The following MTSS2 variants were observed in gnomAD, a reference collection of about 807,000 sequenced individuals.
MTSS2 encodes the protein protein MTSS 2.
In MTSS2, 27 loss-of-function variants were observed where a neutral mutation model predicts 67.1. The ratio of observed to expected loss-of-function variants is 0.40; its 90% CI spans 0.30 to 0.55. The LOEUF is 0.55. Among genes scored for constraint, MTSS2 ranks in the 20% least tolerant of loss-of-function variants. The pLI, the probability that MTSS2 is intolerant of heterozygous loss-of-function variation, is 0.43. For synonymous variants in MTSS2, 624 were observed against 468.6 expected (o/e 1.33, Z -4.28); for missense variants, 1,171 against 1,067.8 (o/e 1.10, Z -1.35).
chr16:70,674,627 G>T, intron 10 of MTSS2, 99 bp from the exon 11 acceptor site: 1 of 1,028,370 alleles, frequency 9.7e-7, no homozygotes, highest in Non-Finnish European at 1.4e-6. Flanking sequence ...AAGAGGTGAG[G>T]GGCAAAGGAA....
intron 11 of MTSS2, among the ~76,000 whole-genome samples, chr16:70,671,357 G>T (rs1041265211): frequency 2.0e-5 from 3 of 149,938 alleles, no homozygotes; most frequent in Non-Finnish European, 4.4e-5. Flanking sequence ...AGCCAAGATC[G>T]CACCATTGCA....
rs1006194018 is a variant in MTSS2, at chr16:70,663,405, G to C, written c.*272C>G. 1.4e-5 allele frequency: 7 copies of C among 505,076 alleles called. No homozygotes were observed. In the Admixed American group the frequency reaches 2.4e-4, roughly 17 times the overall value. The allele number at this position is 505,076 out of a possible 1,614,324, so 31.3% of individuals were successfully genotyped here. On this transcript the variant is annotated 3_prime_UTR_variant, in exon 15 of 15. Coordinates refer to ENST00000338779, the MANE Select transcript of MTSS2 (RefSeq NM_138383.3). Reference sequence around the variant, plus strand: ...GTGCTTATGGGTAGGGAAGAGGCAGGGCCCCAGAGGAGGAAGAGGAGGGAC... The same window carrying C: ...GTGCTTATGGGTAGGGAAGAGGCAGCGCCCCAGAGGAGGAAGAGGAGGGAC...
chr16:70,668,223 G>C lies in MTSS2; in HGVS notation c.1054-2683C>G, dbSNP rs2052793820. On this transcript the variant is annotated intron_variant, in intron 11 of 14. Coordinates refer to ENST00000338779, the MANE Select transcript of MTSS2 (RefSeq NM_138383.3). ...AGAGTAGGAGTTTGAGACCAGCCTG[G>C]CCAACATGACAAAACCCCAATACAA... Among the ~76,000 whole-genome samples, 4 of 151,986 alleles carry C rather than the reference G, an allele frequency of 2.6e-5. No homozygotes were observed. In the South Asian group the frequency reaches 8.3e-4, roughly 32 times the overall value.
In MTSS2 at chr16:70,685,943, C is replaced by A; in HGVS notation, c.-152G>T. The A allele has an allele frequency of 4.8e-6, 1 of 209,738 alleles. No individual in the cohort carries two copies. Among genetic ancestry groups the A allele is most frequent in the South Asian group, 1.6e-4 (1 of 6,256 alleles). 13.0% of individuals were successfully genotyped at this position (209,738 alleles called of 1,614,324 possible). The stretch of plus-strand genomic sequence containing the variant: ...GCTCAGCGGCCGGCCGCGCCGCGCT[C>A]CGGGGTCGCGGGCCTCCGGCGGGCG... On this transcript the variant is annotated 5_prime_UTR_variant, in exon 1 of 15. The change creates a premature stop within an existing upstream ORF in the 5' untranslated region. Transcript: ENST00000338779.
At position 70,664,629 on chromosome 16, in the gene MTSS2, G is replaced by A. The variant is rs748824524; in HGVS notation, c.1440C>T (p.Pro480=). 5 of 1,613,116 alleles carry A rather than the reference G, an allele frequency of 3.1e-6. No homozygotes were observed. The highest frequency in any genetic ancestry group is 3.4e-6 in the Non-Finnish European group (4 of 1,179,914). The change falls in exon 14 of 15, where the codon CCC becomes CCT. Residue 480 remains proline (P), a synonymous_variant. Coordinates refer to ENST00000338779, the MANE Select transcript of MTSS2 (RefSeq NM_138383.3). ...AGGGGATGGTGTCCTCAGAGCAGGAGGGCGTGGTGGTCTGCGTGCTGTAGC... is the reference window on the plus strand; with the variant it reads ...AGGGGATGGTGTCCTCAGAGCAGGAAGGCGTGGTGGTCTGCGTGCTGTAGC... The part of the protein sequence containing the change: ...SSGYSTQTTT[P]SCSEDTIPSQ...
chr16:70,681,098 T>C, intron 1 of MTSS2, 73 bp from the exon 2 acceptor site: 1 of 1,405,694 alleles, frequency 7.1e-7, no homozygotes, highest in South Asian at 1.3e-5. Flanking sequence ...CCGGGCTCCC[T>C]GCATGCTCCA....
intron 11 of MTSS2, among the ~76,000 whole-genome samples, chr16:70,673,458 G>A (rs2053008760): frequency 6.6e-6 from 1 of 152,066 alleles, no homozygotes; most frequent in Non-Finnish European, 1.5e-5. Context: ...AGTGTTCCTG[G>A]CAAAACGAAC....
chr16:70,666,713 A>G (rs2052727220), intron 11 of MTSS2, among the ~76,000 whole-genome samples: 1 of 152,228 alleles, frequency 6.6e-6, no homozygotes, highest in Admixed American at 6.5e-5. Context: ...TGGCAATATG[A>G]CGGTTAAAGT....
In MTSS2 at chr16:70,685,788, C is replaced by T; in HGVS notation, c.4G>A (p.Glu2Lys). The change falls in exon 1 of 15, where the codon GAG (glutamate) becomes AAG (lysine). Residue 2 changes from glutamate (E) to lysine (K), a missense_variant. Glu to Lys is a moderately conservative substitution (Grantham distance 56, BLOSUM62 1). This residue lies in a region of MTSS2 where 247 missense variants were observed against 311.8 expected (regional missense o/e 0.79). Coordinates refer to ENST00000338779, the MANE Select transcript of MTSS2 (RefSeq NM_138383.3). ...GCGCCGCACTCCTTCTCCGCCGTCTCCATGCTCTGGCTGGGCCGGGCCGCG... is the reference window on the plus strand; with the variant it reads ...GCGCCGCACTCCTTCTCCGCCGTCTTCATGCTCTGGCTGGGCCGGGCCGCG... Reference protein sequence around the residue: METAEKECGALG... With the variant: MKTAEKECGALG... The T allele has an allele frequency of 7.3e-7, 1 of 1,368,744 alleles. No homozygotes were observed. The highest frequency in any genetic ancestry group is 9.6e-7 in the Non-Finnish European group (1 of 1,041,356). The allele number at this position is 1,368,744 out of a possible 1,614,324, so 84.8% of individuals were successfully genotyped here. A position where few individuals can be genotyped will look rare whatever the true frequency, so the allele number is the denominator to read the frequency against.
Position 70,663,866 on chromosome 16 carries a change from G to C in MTSS2, c.2055C>G (p.Ala685=). The C allele has an allele frequency of 6.5e-7, 1 of 1,543,346 alleles. No individual in the cohort carries two copies. The highest frequency in any genetic ancestry group is 1.2e-5 in the South Asian group (1 of 83,966). ...VEKLGELVAG[A]HALGEGQFPF... Reference sequence around the variant, plus strand: ...GGAACTGGCCCTCACCCAGTGCGTGGGCACCCGCCACCAGCTCCCCCAGCT... The same window carrying C: ...GGAACTGGCCCTCACCCAGTGCGTGCGCACCCGCCACCAGCTCCCCCAGCT... The change falls in exon 15 of 15, where the codon GCC becomes GCG. Residue 685 remains alanine, a synonymous_variant. Transcript: ENST00000338779.
intron 8 of MTSS2, 33 bp downstream of exon 8, chr16:70,678,219 C>G: frequency 1.3e-6 from 2 of 1,576,824 alleles, no homozygotes; most frequent in Non-Finnish European, 1.7e-6. Context: ...GCCCAGCCCA[C>G]CCCTCTGGGG....
chr16:70,661,528 G>T lies in MTSS2; in HGVS notation c.*2149C>A, dbSNP rs1343382673. 2 of 346,474 alleles carry T rather than the reference G, an allele frequency of 5.8e-6. No homozygotes were observed. Among genetic ancestry groups the T allele is most frequent in the African/African-American group, 4.3e-5 (2 of 46,086 alleles). 21.5% of individuals were successfully genotyped at this position (346,474 alleles called of 1,614,324 possible). ...AAGAATATTTCTCCGTACAAAATGA[G>T]AAATTAAACGAACGTAAAGTCCCCC... On this transcript the variant is annotated 3_prime_UTR_variant, in exon 15 of 15. Transcript: ENST00000338779.
At chr16:70,677,161 C>T (rs758104234) in intron 9 of MTSS2, among the ~76,000 whole-genome samples, 183 bp from the exon 10 acceptor site, 10 of 152,282 alleles carry the variant, frequency 6.6e-5, no homozygotes, top group Non-Finnish European at 1.5e-4. Context: ...ACAGCCTTCT[C>T]GGAGCCCCTT....
chr16:70,684,113 G>A (rs1408700817), intron 1 of MTSS2, among the ~76,000 whole-genome samples: 2 of 152,188 alleles, frequency 1.3e-5, no homozygotes, highest in South Asian at 2.1e-4. Context: ...CCACTTCCAC[G>A]AGCAAAATCT....
At chr16:70,677,088 G>C in intron 9 of MTSS2, 110 bp from the exon 10 acceptor site, 2 of 803,888 alleles carry the variant, frequency 2.5e-6, no homozygotes, top group Non-Finnish European at 3.9e-6. Context: ...AGAAGACCCA[G>C]AAATCTGAAG....
rs747310960 is a variant in MTSS2 at position 70,664,022 on chromosome 16, G to A, written c.1899C>T (p.Ala633=). The A allele has an allele frequency of 1.2e-6, 2 of 1,606,236 alleles. No homozygotes were observed. Among genetic ancestry groups the A allele is most frequent in the South Asian group, 2.2e-5 (2 of 89,730 alleles). The part of the protein sequence containing the change: ...ASPLAPDLAK[A]SPKRLSLPNT... Reference sequence around the variant, plus strand: ...TGGGCAGGCTGAGCCTCTTTGGGGAGGCCTTGGCGAGGTCCGGTGCCAGGG... The same window carrying A: ...TGGGCAGGCTGAGCCTCTTTGGGGAAGCCTTGGCGAGGTCCGGTGCCAGGG... The change falls in exon 15 of 15, where the codon GCC becomes GCT. Residue 633 remains alanine (A), a synonymous_variant. Coordinates refer to ENST00000338779, the MANE Select transcript of MTSS2 (RefSeq NM_138383.3).
chr16:70,671,128 T>C (rs2142784201), intron 11 of MTSS2, among the ~76,000 whole-genome samples: 1 of 152,086 alleles, frequency 6.6e-6, no homozygotes, highest in Admixed American at 6.6e-5. Context: ...AATAAAAAAG[T>C]TCCTTGGGCA....
intron 13 of MTSS2, 35 bp from the exon 14 acceptor site, chr16:70,664,798 C>T: frequency 3.8e-6 from 6 of 1,567,958 alleles, no homozygotes; most frequent in Non-Finnish European, 4.3e-6. Flanking sequence ...AAGCCTTGCG[C>T]CCCCAATCCC....
Position 70,685,732 on chromosome 16 carries a change from G to A in MTSS2, c.60C>T (p.Asn20=), listed in dbSNP as rs1358483112. 3.6e-6 allele frequency: 5 copies of A among 1,376,358 alleles called. No homozygotes were observed. The highest frequency in any genetic ancestry group is 3.0e-5 in the African/African-American group (2 of 65,942). 85.3% of individuals were successfully genotyped at this position (1,376,358 alleles called of 1,614,324 possible). Residue 20 remains asparagine, a synonymous_variant, in exon 1 of 15, where the codon AAC becomes AAT. Transcript: ENST00000338779. The stretch of plus-strand genomic sequence containing the variant: ...GCCGCGCCCCGGTTACCTTCATGTC[G>A]TTGACTATGGCCTGGAAGAGCCCGC... ...ALGGLFQAIV[N]DMKSSYPIWE...
Sources: gnomAD v4.1 joint callset for allele counts (sites outside exome capture counted in the v4.1 genomes callset) on GRCh38, gnomAD v4.1.1 for gene constraint, gnomAD v4.1.1 regional missense constraint, MANE v1.5 for transcripts, NCBI Gene and HGNC (gene_info 2026-07-23, HGNC 2026-07-21) for gene names.